Variants in GRM5 observed in about 807,000 individuals in gnomAD.
GRM5 encodes metabotropic glutamate receptor 5.
A neutral mutation model predicts 83.1 loss-of-function variants in GRM5; 19 were observed. That is an observed-to-expected ratio of 0.23 (90% CI 0.16 to 0.34). The LOEUF (loss-of-function observed/expected upper bound fraction) is 0.34, where lower values mean the gene tolerates loss of function less well. Among genes scored for constraint, GRM5 ranks in the 10% least tolerant of loss-of-function variants. The pLI is 1.00. For synonymous variants in GRM5, 675 were observed against 633.6 expected (o/e 1.07, Z -0.98); for missense variants, 1,160 against 1,588.3 (o/e 0.73, Z 4.58).
In GRM5 at chr11:88,522,569, T is replaced by TTC. The variant is rs146352449; in HGVS notation, c.2726+2738_2726+2739dup. Among the ~76,000 whole-genome samples, 189 of 138,864 alleles carry TTC rather than the reference T, an allele frequency of 1.4e-3. 1 individual carries two copies. The highest frequency in any genetic ancestry group is 2.4e-3 in the African/African-American group (91 of 37,300). The allele number at this position is 138,864 out of a possible 152,430, so 91.1% of individuals were successfully genotyped here. On this transcript the variant is annotated intron_variant, in intron 9 of 9. Coordinates refer to ENST00000305447, the MANE Select transcript of GRM5 (RefSeq NM_001143831.3). ...AAAGCTTAAGCATGGCAGGTCTCTC[T>TTC]TCTCTCTCTCTCTCTCTCGCTCTCT... is the stretch of plus-strand genomic sequence containing the variant.
intron 4 of GRM5, among the ~76,000 whole-genome samples, chr11:88,648,747 C>T (rs541646489): frequency 6.6e-6 from 1 of 151,868 alleles, no homozygotes; most frequent in Non-Finnish European, 1.5e-5. Flanking sequence ...GTAGACTCCT[C>T]ACACTTTAGT....
chr11:88,947,935 C>T (rs1166579020), intron 2 of GRM5, among the ~76,000 whole-genome samples: 2 of 152,100 alleles, frequency 1.3e-5, no homozygotes, highest in Admixed American at 6.6e-5. Context: ...AGTCAGAAGT[C>T]GCAAATTGGA....
At chr11:88,703,612 G>T (rs1179697280) in intron 3 of GRM5, among the ~76,000 whole-genome samples, 2 of 152,038 alleles carry the variant, frequency 1.3e-5, no homozygotes, top group Admixed American at 6.6e-5. Context: ...GACCCGGTGG[G>T]AGGTAATTGA....
intron 2 of GRM5, among the ~76,000 whole-genome samples, chr11:88,935,355 G>GTA (rs1400450153): frequency 1.3e-5 from 2 of 151,762 alleles, no homozygotes; most frequent in East Asian, 3.9e-4. Flanking sequence ...GTGTATGTGT[G>GTA]TGTGTGTATA....
chr11:88,627,420 T>G (rs1327494562), intron 4 of GRM5, among the ~76,000 whole-genome samples: 1 of 152,162 alleles, frequency 6.6e-6, no homozygotes, highest in East Asian at 1.9e-4. Context: ...CTGCAGTTAC[T>G]ATCTGAAAGA....
chr11:89,050,395 T>G (rs12803333), intron 1 of GRM5, among the ~76,000 whole-genome samples: 3 of 152,188 alleles, frequency 2.0e-5, no homozygotes, highest in African/African-American at 7.2e-5. Context: ...AATATTCAAG[T>G]ATGAGCAAAA....
intron 2 of GRM5, among the ~76,000 whole-genome samples, chr11:88,917,651 A>G (rs1308264460): frequency 1.3e-5 from 2 of 152,150 alleles, no homozygotes; most frequent in African/African-American, 4.8e-5. Flanking sequence ...AATAATCTTA[A>G]AAACTCAAGC....
rs760483379 is a variant in GRM5, at chr11:89,047,189, C to T, written c.661+23G>A. 3.9e-6 allele frequency: 6 copies of T among 1,541,696 alleles called. No homozygotes were observed. In the South Asian group the frequency reaches 4.7e-5, roughly 12 times the overall value. On this transcript the variant is annotated intron_variant, in intron 2 of 9. Transcript: ENST00000305447. The surrounding 1 kb of genome is among the most constrained non-coding windows in gnomAD (Gnocchi z 5.1). Reference sequence around the variant, plus strand: ...TGTTGAGTGCATAATAATATATACTCGATGTATGCAAAGGAAACTTACCTT... The same window carrying T: ...TGTTGAGTGCATAATAATATATACTTGATGTATGCAAAGGAAACTTACCTT...
intron 2 of GRM5, among the ~76,000 whole-genome samples, chr11:88,880,739 A>G (rs1036708899): frequency 4.6e-5 from 7 of 152,180 alleles, no homozygotes; most frequent in African/African-American, 1.7e-4. Context: ...GAATGTTTTA[A>G]AGGAAGCAAG....
chr11:88,931,001 A>C (rs1033548415), intron 2 of GRM5, among the ~76,000 whole-genome samples: 1 of 152,168 alleles, frequency 6.6e-6, no homozygotes, highest in Non-Finnish European at 1.5e-5. Flanking sequence ...AGAGGTGGAA[A>C]GTATACAAAG....
At chr11:88,679,022 T>C (rs1295233149) in intron 3 of GRM5, among the ~76,000 whole-genome samples, 2 of 152,130 alleles carry the variant, frequency 1.3e-5, no homozygotes, top group Non-Finnish European at 2.9e-5. Flanking sequence ...TTAGTTTTCA[T>C]CCGAAGTTCA....
At chr11:88,908,376 A>G (rs1333655460) in intron 2 of GRM5, among the ~76,000 whole-genome samples, 1 of 152,074 alleles carries the variant, frequency 6.6e-6, no homozygotes, top group African/African-American at 2.4e-5. Flanking sequence ...TTCTAGTAAT[A>G]TGAATAAAAA....
At chr11:89,006,938 C>T (rs1333369192) in intron 2 of GRM5, among the ~76,000 whole-genome samples, 1 of 152,166 alleles carries the variant, frequency 6.6e-6, no homozygotes, top group African/African-American at 2.4e-5. Flanking sequence ...GCTGGGACTA[C>T]AGGCGCCCGC....
chr11:88,798,820 A>ACAC (rs1555017416), intron 3 of GRM5, among the ~76,000 whole-genome samples: 1 of 136,288 alleles, frequency 7.3e-6, no homozygotes, highest in African/African-American at 2.8e-5. Flanking sequence ...AAAAAAAAAA[A>ACAC]AAAAAAACAA....
intron 3 of GRM5, among the ~76,000 whole-genome samples, chr11:88,755,124 A>C (rs189747075): frequency 6.6e-6 from 1 of 152,328 alleles, no homozygotes. Flanking sequence ...TCCTTATAAG[A>C]AACTGAAGCA....
At chr11:88,587,053 T>A (rs1399938389) in intron 7 of GRM5, among the ~76,000 whole-genome samples, 1 of 152,210 alleles carries the variant, frequency 6.6e-6, no homozygotes, top group Non-Finnish European at 1.5e-5. Flanking sequence ...TTGTATTAGG[T>A]GCTGAGATTA....
chr11:88,981,598 G>C (rs1425446019), intron 2 of GRM5, among the ~76,000 whole-genome samples: 1 of 152,044 alleles, frequency 6.6e-6, no homozygotes, highest in Non-Finnish European at 1.5e-5. Flanking sequence ...GTCAGAAATA[G>C]TATACACAAA....
chr11:88,691,074 G>T (rs1940770655), intron 3 of GRM5, among the ~76,000 whole-genome samples: 1 of 152,178 alleles, frequency 6.6e-6, no homozygotes, highest in South Asian at 2.1e-4. Context: ...CTTGAAGAGA[G>T]GGTGGAAACT....
chr11:89,023,185 GTTCA>G (rs919749477), intron 2 of GRM5, among the ~76,000 whole-genome samples: 5 of 151,888 alleles, frequency 3.3e-5, no homozygotes, highest in Non-Finnish European at 7.4e-5. Flanking sequence ...GCACATGTGC[GTTCA>G]TTGTGTGGGT....
Sources: gnomAD v4.1 joint callset for allele counts (sites outside exome capture counted in the v4.1 genomes callset) on GRCh38, gnomAD v4.1.1 for gene constraint, Gnocchi (gnomAD v3.1) non-coding constraint, MANE v1.5 for transcripts, NCBI Gene and HGNC (gene_info 2026-07-23, HGNC 2026-07-21) for gene names.